Variants in TLE7 observed in about 807,000 individuals in gnomAD.
TLE7 encodes the protein transducin-like enhancer protein 7.
At chr16:71,440,416 T>A (rs2042842577) in intron 1 of TLE7, among the ~76,000 whole-genome samples, 1 of 152,088 alleles carries the variant, frequency 6.6e-6, no homozygotes, top group South Asian at 2.1e-4. Context: ...AGGCAGAGGT[T>A]GCAGTGAACC....
intron 1 of TLE7, among the ~76,000 whole-genome samples, chr16:71,441,549 C>G (rs1028191878): frequency 2.6e-5 from 4 of 152,220 alleles, no homozygotes; most frequent in Non-Finnish European, 5.9e-5. Flanking sequence ...CTCGCTTGGC[C>G]GGCGCCCCAG....
rs552564143 is a variant in TLE7 at position 71,432,437 on chromosome 16, C to T, written c.394-112G>A. The T allele has an allele frequency of 2.6e-4, 102 of 397,764 alleles. No homozygotes were observed. The South Asian group carries it at 0.012, about 48-fold the overall frequency. The allele number at this position is 397,764 out of a possible 1,614,324, so 24.6% of individuals were successfully genotyped here. ...CCACCCACCCATCCACCCACCCAAC[C>T]GCAGAACCTGGCCCCTGGTTCCCAG... is the stretch of plus-strand genomic sequence containing the variant. On this transcript the variant is annotated intron_variant, in intron 4 of 9. Transcript: ENST00000561754.
In TLE7 at chr16:71,438,025, G is replaced by A. The variant is rs193168779; in HGVS notation, c.-97+3944C>T. Among the ~76,000 whole-genome samples, 923 of 152,316 alleles carry A rather than the reference G, an allele frequency of 6.1e-3. 7 individuals are homozygous for A. In the Middle Eastern group the frequency reaches 0.061, roughly 10 times the overall value. ...GAAGGAATTAAAGGCAGGTCACAGA[G>A]TGCAGCGTGAAAGAAACAAGTTTAT... On this transcript the variant is annotated intron_variant, in intron 1 of 9. Transcript: ENST00000561754.
chr16:71,437,600 A>G (rs1247191251), intron 1 of TLE7, among the ~76,000 whole-genome samples: 1 of 151,628 alleles, frequency 6.6e-6, no homozygotes, highest in African/African-American at 2.4e-5. Flanking sequence ...AGCATCTGAG[A>G]GGCACTGGGG....
At chr16:71,441,744 G>C (rs1342971754) in intron 1 of TLE7, among the ~76,000 whole-genome samples, 3 of 152,244 alleles carry the variant, frequency 2.0e-5, no homozygotes, top group Non-Finnish European at 4.4e-5. Context: ...TCCAGACCGA[G>C]GCCAGAGCCG....
At chr16:71,433,445 C>T (rs1410694531) in intron 1 of TLE7, 25 bp from the exon 2 acceptor site, 1 of 397,680 alleles carries the variant, frequency 2.5e-6, no homozygotes, top group Non-Finnish European at 4.4e-6. Flanking sequence ...AAAAGAGACG[C>T]AGCTATGCAC....
chr16:71,439,504 G>A (rs1302924915), intron 1 of TLE7, among the ~76,000 whole-genome samples: 2 of 152,060 alleles, frequency 1.3e-5, no homozygotes, highest in African/African-American at 4.8e-5. Flanking sequence ...TCTGAGCTGG[G>A]GGAGACATAA....
Position 71,431,134 on chromosome 16 carries a change from CTT to C in TLE7, c.1132_1133del (p.Lys378ValfsTer40), listed in dbSNP as rs2042801061. 2.5e-6 allele frequency: 1 copy of C among 400,668 alleles called. No individual in the cohort carries two copies. Among genetic ancestry groups the C allele is most frequent in the Non-Finnish European group, 4.4e-6 (1 of 226,262 alleles). 24.8% of individuals were successfully genotyped at this position (400,668 alleles called of 1,614,324 possible). A position where few individuals can be genotyped will look rare whatever the true frequency, so the allele number is the denominator to read the frequency against. ...CTTCTCACTCACCACAGGAGGCAAA[CTT>C]GAGGCTGTGGTGGCGGGTGTATTTT... ...MKKYTRHHSLKFASCGSYFVT... is the reference protein window; with the variant it reads ...MKKYTRHHSLXFASCGSYFVT... On this transcript the variant is annotated frameshift_variant, in exon 8 of 10. Transcript: ENST00000561754. LOFTEE classifies it high-confidence loss of function. The surrounding 1 kb of genome is among the most constrained non-coding windows in gnomAD (Gnocchi z 4.5).
chr16:71,432,146 C>G lies in TLE7; in HGVS notation c.573G>C (p.Ala191=), dbSNP rs185355266. 1.0e-5 allele frequency: 4 copies of G among 401,002 alleles called. No homozygotes were observed. Among genetic ancestry groups the G allele is most frequent in the Admixed American group, 8.8e-5 (2 of 22,734 alleles). 24.8% of individuals were successfully genotyped at this position (401,002 alleles called of 1,614,324 possible). A position where few individuals can be genotyped will look rare whatever the true frequency, so the allele number is the denominator to read the frequency against. The change falls in exon 5 of 10, where the codon GCG becomes GCC. Residue 191 remains alanine, a synonymous_variant. Coordinates refer to ENST00000561754, the MANE Select transcript of TLE7 (RefSeq NM_001367365.2). ...IRVWDESALH[A]GEKAPRAQLD... is the part of the protein sequence containing the mutation. ...GCTGGGCCCGAGGGGCCTTCTCCCC[C>G]GCATGCAGCGCACTCTCATCCCATA...
intron 1 of TLE7, among the ~76,000 whole-genome samples, chr16:71,434,952 T>A (rs2042820575): frequency 6.6e-6 from 1 of 152,166 alleles, no homozygotes; most frequent in Admixed American, 6.5e-5. Flanking sequence ...TTTGTGACAA[T>A]ATTGGGACAT....
intron 8 of TLE7, among the ~76,000 whole-genome samples, 180 bp from the exon 9 acceptor site, chr16:71,430,921 T>C (rs1191050329): frequency 6.6e-6 from 1 of 152,140 alleles, no homozygotes; most frequent in Non-Finnish European, 1.5e-5. Context: ...CACAAGATCA[T>C]GGTTATCACG....
At chr16:71,432,799 G>T in intron 3 of TLE7, 71 bp downstream of exon 3, 3 of 399,008 alleles carry the variant, frequency 7.5e-6, no homozygotes, top group Non-Finnish European at 8.8e-6. Flanking sequence ...TTGACACCAG[G>T]CCCCCGTTCC....
At chr16:71,438,079 A>T (rs562809338) in intron 1 of TLE7, among the ~76,000 whole-genome samples, 30 of 152,306 alleles carry the variant, frequency 2.0e-4, no homozygotes, top group Non-Finnish European at 3.7e-4. Context: ...AGAGTGGAGC[A>T]TCCTCAGAAA....
Position 71,431,415 on chromosome 16 carries a change from G to C in TLE7, c.993+6C>G. The C allele has an allele frequency of 2.5e-6, 1 of 400,606 alleles. No homozygotes were observed. The highest frequency in any genetic ancestry group is 4.4e-6 in the Non-Finnish European group (1 of 226,308). 24.8% of individuals were successfully genotyped at this position (400,606 alleles called of 1,614,324 possible). A position where few individuals can be genotyped will look rare whatever the true frequency, so the allele number is the denominator to read the frequency against. ...GGCATTCTGCCAGTGGTGGCCAGCC[G>C]GGCACCTCATTCTGTAAGTTGTGTT... On this transcript the variant is annotated splice_donor_region_variant and intron_variant, in intron 7 of 9. Coordinates refer to ENST00000561754, the MANE Select transcript of TLE7 (RefSeq NM_001367365.2). The surrounding 1 kb of genome is among the most constrained non-coding windows in gnomAD (Gnocchi z 4.5).
intron 1 of TLE7, among the ~76,000 whole-genome samples, chr16:71,438,780 A>G (rs1198473564): frequency 6.6e-6 from 1 of 152,134 alleles, no homozygotes; most frequent in African/African-American, 2.4e-5. Context: ...GTTAAAGGCA[A>G]TTGGTGCTTT....
chr16:71,435,719 G>A (rs1441525439), intron 1 of TLE7, among the ~76,000 whole-genome samples: 1 of 152,174 alleles, frequency 6.6e-6, no homozygotes, highest in African/African-American at 2.4e-5. Flanking sequence ...GTTAAAAATG[G>A]TTGGATCTGG....
intron 1 of TLE7, among the ~76,000 whole-genome samples, chr16:71,438,677 A>C (rs1303865415): frequency 1.8e-5 from 2 of 110,706 alleles, no homozygotes; most frequent in Non-Finnish European, 3.4e-5. Context: ...GTGAGACTCC[A>C]TCTCAAAAAA....
intron 1 of TLE7, among the ~76,000 whole-genome samples, chr16:71,436,727 G>A (rs916400435): frequency 6.6e-6 from 1 of 152,218 alleles, no homozygotes; most frequent in African/African-American, 2.4e-5. Context: ...GGAGGGACAC[G>A]GGGCCGCTTT....
At chr16:71,437,404 GAAGAA>G (rs1002437644) in intron 1 of TLE7, among the ~76,000 whole-genome samples, 9 of 148,404 alleles carry the variant, frequency 6.1e-5, no homozygotes, top group African/African-American at 1.0e-4. Flanking sequence ...AGAGAGAAGA[GAAGAA>G]AAGAAAGGAA....
Sources: gnomAD v4.1 joint callset for allele counts (sites outside exome capture counted in the v4.1 genomes callset) on GRCh38, gnomAD v4.1.1 for gene constraint, Gnocchi (gnomAD v3.1) non-coding constraint, MANE v1.5 for transcripts, NCBI Gene and HGNC (gene_info 2026-07-23, HGNC 2026-07-21) for gene names.